Variants in SPTBN1 observed in about 807,000 individuals in gnomAD.
The protein encoded by SPTBN1 is spectrin beta, non-erythrocytic 1.
Under a neutral mutation model 266.4 loss-of-function variants are expected in SPTBN1, and 32 were observed. The ratio of observed to expected loss-of-function variants is 0.12; its 90% CI spans 0.09 to 0.16. The LOEUF (loss-of-function observed/expected upper bound fraction) is 0.16. SPTBN1 is among the 10% of genes least tolerant of loss of function. SPTBN1 has a pLI of 1.00. For synonymous variants in SPTBN1, 1,336 were observed against 1,162.2 expected, an observed-to-expected ratio of 1.15 and a Z score of -3.04; for missense variants, 2,296 against 3,067.1, an observed-to-expected ratio of 0.75 and a Z score of 5.94.
intron 1 of SPTBN1, among the ~76,000 whole-genome samples, chr2:54,485,444 C>G (rs1050022917): frequency 6.6e-6 from 1 of 152,244 alleles, no homozygotes; most frequent in Non-Finnish European, 1.5e-5. Context: ...CTGCCAGCCT[C>G]GGCCTCCCAA....
rs944209981 is a variant in SPTBN1, at chr2:54,653,540, T to A, written c.5578-69T>A. ...CCTTTAGTGTATGAGCAGAACAGAATAGGGCTTGGGGTGATGGTGGGAAGG... is the reference window on the plus strand; with the variant it reads ...CCTTTAGTGTATGAGCAGAACAGAAAAGGGCTTGGGGTGATGGTGGGAAGG... On this transcript the variant is annotated intron_variant, in intron 26 of 35. Transcript: ENST00000356805. This position sits in a 1 kb window ranked among gnomAD's most constrained non-coding sequence, Gnocchi z 5.1. The A allele has an allele frequency of 4.4e-6, 7 of 1,580,952 alleles. No homozygotes were observed. The East Asian group carries it at 1.3e-4, about 30-fold the overall frequency.
At chr2:54,604,224 C>T (rs1676686494) in intron 3 of SPTBN1, among the ~76,000 whole-genome samples, 1 of 152,120 alleles carries the variant, frequency 6.6e-6, no homozygotes, top group African/African-American at 2.4e-5. Flanking sequence ...AAAGAAGGGG[C>T]AGGGAGTACA....
chr2:54,615,103 G>A (rs973425240), intron 4 of SPTBN1, among the ~76,000 whole-genome samples: 4 of 150,336 alleles, frequency 2.7e-5, no homozygotes, highest in Non-Finnish European at 4.4e-5. Context: ...ACAGACTCAG[G>A]CTTCACCTTC....
intron 2 of SPTBN1, among the ~76,000 whole-genome samples, chr2:54,565,006 G>C (rs1376524841): frequency 1.3e-5 from 2 of 152,164 alleles, no homozygotes; most frequent in Non-Finnish European, 2.9e-5. Flanking sequence ...CCCAAATTGA[G>C]GTTCTCAAAA....
At chr2:54,572,349 C>T (rs1328609638) in intron 2 of SPTBN1, among the ~76,000 whole-genome samples, 1 of 152,122 alleles carries the variant, frequency 6.6e-6, no homozygotes, top group Non-Finnish European at 1.5e-5. Flanking sequence ...GAAATCTATC[C>T]ATTCTTCTAG....
chr2:54,586,560 T>G (rs1337223539), intron 2 of SPTBN1, among the ~76,000 whole-genome samples: 1 of 152,234 alleles, frequency 6.6e-6, no homozygotes, highest in Non-Finnish European at 1.5e-5. Flanking sequence ...CTTCTGTATC[T>G]TAGCTTATCT....
At chr2:54,475,273 T>G (rs752545217) in intron 1 of SPTBN1, among the ~76,000 whole-genome samples, 1 of 152,210 alleles carries the variant, frequency 6.6e-6, no homozygotes, top group Non-Finnish European at 1.5e-5. Context: ...AAGAACAGCT[T>G]ATTCTTTAAA....
At chr2:54,663,398 C>T (rs567204441) in intron 32 of SPTBN1, 1 of 152,362 alleles carries the variant, frequency 6.6e-6, no homozygotes, top group Non-Finnish European at 1.5e-5. Context: ...TCGCTAATCG[C>T]ACACCCTGGG....
At chr2:54,596,743 T>C (rs915913672) in intron 2 of SPTBN1, among the ~76,000 whole-genome samples, 1 of 152,212 alleles carries the variant, frequency 6.6e-6, no homozygotes, top group Non-Finnish European at 1.5e-5. Flanking sequence ...CTAAGAACCA[T>C]GATAGCCCTG....
chr2:54,616,099 A>G (rs952529714), intron 4 of SPTBN1, 108 bp from the exon 5 acceptor site: 18 of 852,328 alleles, frequency 2.1e-5, no homozygotes, highest in Non-Finnish European at 2.8e-5. Flanking sequence ...CTGCAGGGCA[A>G]GGCTATGATC....
intron 2 of SPTBN1, among the ~76,000 whole-genome samples, chr2:54,571,902 A>G (rs938301384): frequency 1.3e-5 from 2 of 152,234 alleles, no homozygotes; most frequent in Non-Finnish European, 2.9e-5. Context: ...AGAATACATC[A>G]TGAAAATAAT....
intron 2 of SPTBN1, among the ~76,000 whole-genome samples, chr2:54,550,848 A>G (rs1041923828): frequency 6.6e-6 from 1 of 152,308 alleles, no homozygotes; most frequent in Middle Eastern, 3.4e-3. Context: ...GGGTCCCTCC[A>G]ATAGCCTATG....
chr2:54,568,349 C>CAA (rs888478845), intron 2 of SPTBN1, among the ~76,000 whole-genome samples: 184 of 95,378 alleles, frequency 1.9e-3, no homozygotes, highest in African/African-American at 2.6e-3. Context: ...GACTCTGTCT[C>CAA]AAAAAAAAAA....
chr2:54,605,445 A>G (rs1676775568), intron 3 of SPTBN1, among the ~76,000 whole-genome samples: 2 of 152,252 alleles, frequency 1.3e-5, no homozygotes, highest in Admixed American at 6.5e-5. Context: ...AGTAATTATT[A>G]TAATGCAGGG....
chr2:54,621,782 G>A (rs1369939053), intron 8 of SPTBN1, among the ~76,000 whole-genome samples: 3 of 152,172 alleles, frequency 2.0e-5, no homozygotes, highest in Admixed American at 6.5e-5. Context: ...AAATCTGATC[G>A]AGTTGCCTAA....
intron 2 of SPTBN1, among the ~76,000 whole-genome samples, chr2:54,566,579 C>A (rs1673681012): frequency 6.6e-6 from 1 of 152,018 alleles, no homozygotes; most frequent in African/African-American, 2.4e-5. Flanking sequence ...GTCTGTAATA[C>A]CAGCTCTTTG....
chr2:54,665,401 A>G (rs1681302993), intron 33 of SPTBN1, among the ~76,000 whole-genome samples: 1 of 152,326 alleles, frequency 6.6e-6, no homozygotes, highest in South Asian at 2.1e-4. Flanking sequence ...ACAGTTTGCC[A>G]TACCATAGGG....
intron 2 of SPTBN1, among the ~76,000 whole-genome samples, chr2:54,582,713 G>A (rs978192281): frequency 5.9e-5 from 9 of 152,154 alleles, no homozygotes; most frequent in African/African-American, 2.2e-4. Context: ...TTAGGTTGGG[G>A]GGAATCTTAC....
rs1679833654 is a variant in SPTBN1, at chr2:54,645,127, C to G, written c.4270-102C>G. On this transcript the variant is annotated intron_variant, in intron 20 of 35. Transcript: ENST00000356805. The surrounding 1 kb of genome is among the most constrained non-coding windows in gnomAD (Gnocchi z 4.3). ...ATGTTTGAGTGGCTCCCATGGCTGGCTTTGCGGTGTGGCCAAGTCCCAGGC... is the reference window on the plus strand; with the variant it reads ...ATGTTTGAGTGGCTCCCATGGCTGGGTTTGCGGTGTGGCCAAGTCCCAGGC... The G allele has an allele frequency of 4.0e-6, 5 of 1,240,766 alleles. No individual in the cohort carries two copies. The highest frequency in any genetic ancestry group is 2.3e-6 in the Non-Finnish European group (2 of 875,116). 76.9% of individuals were successfully genotyped at this position (1,240,766 alleles called of 1,614,324 possible). A position where few individuals can be genotyped will look rare whatever the true frequency, so the allele number is the denominator to read the frequency against.
Sources: gnomAD v4.1 joint callset for allele counts (sites outside exome capture counted in the v4.1 genomes callset) on GRCh38, gnomAD v4.1.1 for gene constraint, Gnocchi (gnomAD v3.1) non-coding constraint, MANE v1.5 for transcripts, NCBI Gene and HGNC (gene_info 2026-07-23, HGNC 2026-07-21) for gene names.